CUL1: variants seen among roughly 807,000 people sequenced by gnomAD.
The protein encoded by CUL1 is cullin-1.
In CUL1, 24 loss-of-function variants were observed where a neutral mutation model predicts 118.0. That is an observed-to-expected ratio of 0.20 (90% confidence interval 0.15 to 0.29). CUL1 has a LOEUF of 0.29. Ranked by LOEUF, CUL1 falls within the 10% of genes least tolerant of loss-of-function variation. The pLI, the probability that CUL1 is intolerant of heterozygous loss-of-function variation, is 1.00. For synonymous variants in CUL1, 332 were observed against 340.4 expected (o/e 0.98, Z 0.27); for missense variants, 361 against 933.8 (o/e 0.39, Z 7.99).
chr7:148,718,604 T>A (rs2129459225), intron 1 of CUL1, among the ~76,000 whole-genome samples: 1 of 152,318 alleles, frequency 6.6e-6, no homozygotes, highest in Middle Eastern at 3.4e-3. Context: ...ATTGTGTGAG[T>A]GCCTCACATT....
At chr7:148,765,167 G>A (rs898939743) in intron 7 of CUL1, among the ~76,000 whole-genome samples, 24 of 152,280 alleles carry the variant, frequency 1.6e-4, no homozygotes, top group Middle Eastern at 3.4e-3. Flanking sequence ...TATTTAGAAC[G>A]TGTAATAAGG....
At chr7:148,708,428 T>A (rs1186167545) in intron 1 of CUL1, among the ~76,000 whole-genome samples, 1 of 152,240 alleles carries the variant, frequency 6.6e-6, no homozygotes, top group Non-Finnish European at 1.5e-5. Flanking sequence ...CATAACACTA[T>A]GTGTTTATAC....
chr7:148,726,424 T>C (rs1046721362), intron 1 of CUL1, among the ~76,000 whole-genome samples: 2 of 152,082 alleles, frequency 1.3e-5, no homozygotes, highest in African/African-American at 4.8e-5. Flanking sequence ...TTTCAAAATA[T>C]CTGAGTAGAT....
intron 17 of CUL1, among the ~76,000 whole-genome samples, chr7:148,796,269 G>C (rs1249670018): frequency 6.6e-6 from 1 of 152,106 alleles, no homozygotes; most frequent in African/African-American, 2.4e-5. Context: ...TGTTAATATG[G>C]TGTATTGCAC....
chr7:148,750,313 ATTATAC>A (rs1011322116), intron 2 of CUL1, among the ~76,000 whole-genome samples: 5 of 149,392 alleles, frequency 3.3e-5, no homozygotes, highest in East Asian at 3.9e-4. Flanking sequence ...TTTTTTTTAA[ATTATAC>A]TTTAAGTTCT....
At chr7:148,706,779 TG>T (rs1432032031) in intron 1 of CUL1, among the ~76,000 whole-genome samples, 5 of 152,276 alleles carry the variant, frequency 3.3e-5, no homozygotes, top group African/African-American at 1.2e-4. Flanking sequence ...ATGAAGATTT[TG>T]TTTGTTTTGG....
At chr7:148,760,008 T>G (rs919495509) in intron 6 of CUL1, among the ~76,000 whole-genome samples, 5 of 152,198 alleles carry the variant, frequency 3.3e-5, no homozygotes, top group Non-Finnish European at 7.4e-5. Context: ...AAAACTTGGG[T>G]AGCATTGTAT....
At chr7:148,703,186 C>G (rs1041682207) in intron 1 of CUL1, among the ~76,000 whole-genome samples, 4 of 152,188 alleles carry the variant, frequency 2.6e-5, no homozygotes, top group African/African-American at 9.7e-5. Context: ...GGACTGATAT[C>G]TGATCATTAT....
At chr7:148,752,683 C>T (rs756289492) in intron 2 of CUL1, among the ~76,000 whole-genome samples, 1 of 152,152 alleles carries the variant, frequency 6.6e-6, no homozygotes, top group African/African-American at 2.4e-5. Context: ...GAGTCTTGCT[C>T]TGTCGCCCAG....
At chr7:148,783,383 G>A (rs767355569) in intron 9 of CUL1, 41 of 985,334 alleles carry the variant, frequency 4.2e-5, no homozygotes, top group Non-Finnish European at 4.7e-5. Flanking sequence ...CTGCCCAGCC[G>A]GGCTGATGAC....
At chr7:148,775,467 A>G (rs1230536132) in intron 9 of CUL1, among the ~76,000 whole-genome samples, 6 of 152,200 alleles carry the variant, frequency 3.9e-5, no homozygotes, top group Admixed American at 3.3e-4. Context: ...TGATTTTACT[A>G]TTCTTTTCTC....
upstream of CUL1, chr7:148,697,811 C>G (rs918168467): frequency 6.6e-6 from 1 of 152,310 alleles, no homozygotes; most frequent in African/African-American, 2.4e-5. Context: ...CCTCCACCCC[C>G]CGTCACCACA....
At chr7:148,797,669 T>C in intron 17 of CUL1, 143 bp from the exon 18 acceptor site, 1 of 649,162 alleles carries the variant, frequency 1.5e-6, no homozygotes, top group East Asian at 2.8e-5. Flanking sequence ...GTACCAACTT[T>C]TTTTTCCTTC....
chr7:148,730,762 A>G (rs535019565), intron 2 of CUL1, among the ~76,000 whole-genome samples: 51 of 152,302 alleles, frequency 3.3e-4, no homozygotes, highest in African/African-American at 1.1e-3. Context: ...AAGTTTGTTT[A>G]CCTGATCAAA....
intron 9 of CUL1, among the ~76,000 whole-genome samples, chr7:148,773,132 C>T (rs1326065803): frequency 6.6e-6 from 1 of 152,130 alleles, no homozygotes; most frequent in Non-Finnish European, 1.5e-5. Context: ...TATAATTTTA[C>T]TCTGTGTTCT....
chr7:148,747,364 A>G (rs1216596001), intron 2 of CUL1, among the ~76,000 whole-genome samples: 1 of 152,210 alleles, frequency 6.6e-6, no homozygotes, highest in South Asian at 2.1e-4. Flanking sequence ...CACAAAAGTA[A>G]GAGGGAATTC....
Position 148,776,292 on chromosome 7 carries a change from TCTAACATAACCAGGC to T in CUL1, c.1084-7490_1084-7476del, listed in dbSNP as rs372957946. ...AATGTACACATTTGTCATTTTGGAG[TCTAACATAACCAGGC>T]TTTTTTTTTTTTTTTTTTTTTTTTT... On this transcript the variant is annotated intron_variant, in intron 9 of 21. Coordinates refer to ENST00000325222, the MANE Select transcript of CUL1 (RefSeq NM_003592.3). Among the ~76,000 whole-genome samples, 493 of 136,316 alleles carry T rather than the reference TCTAACATAACCAGGC, an allele frequency of 3.6e-3. 8 individuals are homozygous for T. Among genetic ancestry groups the T allele is most frequent in the African/African-American group, 0.013 (467 of 35,594 alleles). The allele number at this position is 136,316 out of a possible 152,430, so 89.4% of individuals were successfully genotyped here. A position where few individuals can be genotyped will look rare whatever the true frequency, so the allele number is the denominator to read the frequency against.
intron 11 of CUL1, 27 bp downstream of exon 11, chr7:148,784,104 G>C (rs751047220): frequency 6.5e-7 from 1 of 1,538,892 alleles, no homozygotes; most frequent in East Asian, 2.2e-5. Flanking sequence ...TGTTTTCTTA[G>C]TATGCCTGTT....
chr7:148,770,894 T>G (rs1365925504), intron 9 of CUL1, among the ~76,000 whole-genome samples: 1 of 152,230 alleles, frequency 6.6e-6, no homozygotes, highest in Non-Finnish European at 1.5e-5. Context: ...ACCCACTGAT[T>G]ATGAAAAATC....
Sources: allele counts gnomAD v4.1 joint callset (sites outside exome capture counted in the v4.1 genomes callset), GRCh38; gene constraint gnomAD v4.1.1; transcripts MANE v1.5; gene names NCBI Gene and HGNC (gene_info 2026-07-23, HGNC 2026-07-21).